HNRNPUL1: variants seen among roughly 807,000 people sequenced by gnomAD.
HNRNPUL1 encodes the protein heterogeneous nuclear ribonucleoprotein U like 1.
Under a neutral mutation model 108.5 loss-of-function variants are expected in HNRNPUL1, and 14 were observed. The observed-to-expected ratio is 0.13, with a 90% CI of 0.09 to 0.20. The LOEUF is 0.20. HNRNPUL1 is among the 10% of genes least tolerant of loss of function. The pLI is 1.00. For synonymous variants in HNRNPUL1, 422 were observed against 445.2 expected (o/e 0.95, Z 0.66); for missense variants, 804 against 1,168.3 (o/e 0.69, Z 4.55).
At chr19:41,293,072 C>T (rs921724105) in intron 8 of HNRNPUL1, among the ~76,000 whole-genome samples, 3 of 152,120 alleles carry the variant, frequency 2.0e-5, no homozygotes, top group African/African-American at 7.2e-5. Flanking sequence ...GTAAGTTCCA[C>T]CTCTCACCCA....
intron 11 of HNRNPUL1, chr19:41,302,339 C>G (rs1185011611): frequency 2.7e-6 from 1 of 370,476 alleles, no homozygotes; most frequent in Non-Finnish European, 5.2e-6. Context: ...CTGCCTCAGC[C>G]TCCCGAGTAG....
At chr19:41,297,750 G>C (rs917929446) in intron 10 of HNRNPUL1, among the ~76,000 whole-genome samples, 4 of 152,194 alleles carry the variant, frequency 2.6e-5, no homozygotes, top group African/African-American at 9.7e-5. Flanking sequence ...TAGAATCAGG[G>C]CTGGATGGGT....
Position 41,264,447 on chromosome 19 carries a change from G to A in HNRNPUL1, c.-57G>A. On this transcript the variant is annotated 5_prime_UTR_variant, in exon 1 of 15. Coordinates refer to ENST00000392006, the MANE Select transcript of HNRNPUL1 (RefSeq NM_007040.6). ...GCCTCCTGACAGGAAAGGTTTAAGG[G>A]GGACAGAGCCCTGGGAGGCCGGGCC... 2 of 1,312,896 alleles carry A rather than the reference G, an allele frequency of 1.5e-6. No homozygotes were observed. The highest frequency in any genetic ancestry group is 2.0e-6 in the Non-Finnish European group (2 of 1,025,262). 81.3% of individuals were successfully genotyped at this position (1,312,896 alleles called of 1,614,324 possible).
At chr19:41,299,313 G>A (rs995001977) in intron 10 of HNRNPUL1, among the ~76,000 whole-genome samples, 1 of 152,124 alleles carries the variant, frequency 6.6e-6, no homozygotes, top group Admixed American at 6.5e-5. Flanking sequence ...CGTGTTTCAG[G>A]GCCAGAGGAT....
intron 1 of HNRNPUL1, 200 bp from the exon 2 acceptor site, chr19:41,268,022 AC>A (rs1172826490): frequency 2.1e-6 from 1 of 471,040 alleles, no homozygotes; most frequent in African/African-American, 2.0e-5. Flanking sequence ...GTCTCACTAA[AC>A]TGAAGGCTTC....
rs144502015 is a variant in HNRNPUL1 at position 41,272,205 on chromosome 19, G to A, written c.542G>A (p.Arg181Gln). Residue 181 changes from arginine (R) to glutamine (Q), a missense_variant, in exon 3 of 15, where the codon CGG becomes CAG. Physicochemically the swap from Arg to Gln is conservative, Grantham distance 43. Around this residue, in one of 4 missense-constraint regions of HNRNPUL1, gnomAD observed 256 missense variants for 261.6 expected, o/e 0.98. Transcript: ENST00000392006. Reference sequence around the variant, plus strand: ...AGGCCTTATGAAGAAAACCGGGGACGGGGGTACTTTGAGCACCGAGAGGAT... The same window carrying A: ...AGGCCTTATGAAGAAAACCGGGGACAGGGGTACTTTGAGCACCGAGAGGAT... ...RKRPYEENRG[R>Q]GYFEHREDRR... 38 of 1,613,928 alleles carry A rather than the reference G, an allele frequency of 2.4e-5. No individual in the cohort carries two copies. In the African/African-American group the frequency reaches 2.8e-4, roughly 12 times the overall value.
Position 41,294,789 on chromosome 19 carries a change from T to G in HNRNPUL1, c.1518+103T>G. 2 of 1,375,694 alleles carry G rather than the reference T, an allele frequency of 1.5e-6. No homozygotes were observed. The highest frequency in any genetic ancestry group is 2.0e-6 in the Non-Finnish European group (2 of 980,770). The allele number at this position is 1,375,694 out of a possible 1,614,324, so 85.2% of individuals were successfully genotyped here. ...TTTCTTTTTTCCCCCGTAATGATGATGGACTGCTGTGCTAGTCGGGGGGGT... is the reference window on the plus strand; with the variant it reads ...TTTCTTTTTTCCCCCGTAATGATGAGGGACTGCTGTGCTAGTCGGGGGGGT... On this transcript the variant is annotated intron_variant, in intron 10 of 14. Transcript: ENST00000392006. The surrounding 1 kb of genome is among the most constrained non-coding windows in gnomAD (Gnocchi z 4.3).
At chr19:41,305,541 A>G in intron 13 of HNRNPUL1, 135 bp from the exon 14 acceptor site, 1 of 1,092,514 alleles carries the variant, frequency 9.2e-7, no homozygotes, top group Non-Finnish European at 1.4e-6. Context: ...TCAGCCCACA[A>G]ACAATGTCCA....
At chr19:41,282,076 G>A (rs1020344262) in intron 7 of HNRNPUL1, among the ~76,000 whole-genome samples, 5 of 152,230 alleles carry the variant, frequency 3.3e-5, no homozygotes, top group South Asian at 2.1e-4. Context: ...AAAATGTGCC[G>A]TAAGGCCCCA....
At chr19:41,301,744 G>A in intron 11 of HNRNPUL1, 40 bp downstream of exon 11, 3 of 1,538,196 alleles carry the variant, frequency 2.0e-6, no homozygotes, top group South Asian at 1.2e-5. Context: ...TCAATGCAGG[G>A]TCCTGGAGAG....
At position 41,292,873 on chromosome 19, in the gene HNRNPUL1, C is replaced by G. The variant is rs2036670887; in HGVS notation, c.1266+362C>G. ...CTTTTTTTTTCTTTAGAGACAGGGT[C>G]TCGCTCTGTCACCCAGGCTGGAGTG... On this transcript the variant is annotated intron_variant, in intron 8 of 14. Coordinates refer to ENST00000392006, the MANE Select transcript of HNRNPUL1 (RefSeq NM_007040.6). The surrounding 1 kb of genome is among the most constrained non-coding windows in gnomAD (Gnocchi z 4.1). 6.6e-6 allele frequency among the ~76,000 whole-genome samples: 1 copy of G among 152,008 alleles called. No individual in the cohort carries two copies. Among genetic ancestry groups the G allele is most frequent in the South Asian group, 2.1e-4 (1 of 4,810 alleles).
chr19:41,265,436 AT>A, intron 1 of HNRNPUL1: 2 of 1,405,552 alleles, frequency 1.4e-6, no homozygotes, highest in Non-Finnish European at 9.4e-7. Flanking sequence ...GCTAGTGAGC[AT>A]TTAGGGGCTG....
intron 3 of HNRNPUL1, among the ~76,000 whole-genome samples, chr19:41,272,685 G>A (rs1007401030): frequency 6.6e-5 from 10 of 152,218 alleles, no homozygotes; most frequent in Non-Finnish European, 1.3e-4. Context: ...CAGATGGACA[G>A]TGGGTTTTGC....
intron 1 of HNRNPUL1, chr19:41,265,153 A>G: frequency 2.1e-6 from 3 of 1,413,698 alleles, no homozygotes; most frequent in Non-Finnish European, 1.8e-6. Context: ...GGGTCTCGAA[A>G]ATGGGGATCC....
chr19:41,284,966 C>T (rs577305863), intron 7 of HNRNPUL1, among the ~76,000 whole-genome samples: 155 of 147,556 alleles, frequency 1.1e-3, no homozygotes, highest in Admixed American at 3.3e-3. Flanking sequence ...ACTGTACTCC[C>T]GCCTGGGTAA....
At position 41,304,225 on chromosome 19, in the gene HNRNPUL1, C is replaced by T. The variant is rs759428939; in HGVS notation, c.2226C>T (p.Thr742=). Residue 742 remains threonine (T), a synonymous_variant, in exon 13 of 15, where the codon ACC becomes ACT. Transcript: ENST00000392006. Reference sequence around the variant, plus strand: ...ACATCCCTGGCTCAAGCGCCAATACCAGCACCCCCACCGTCAGCAGCTACA... The same window carrying T: ...ACATCCCTGGCTCAAGCGCCAATACTAGCACCCCCACCGTCAGCAGCTACA... ...NSNIPGSSAN[T]STPTVSSYSP... The T allele has an allele frequency of 6.2e-7, 1 of 1,612,860 alleles. No individual in the cohort carries two copies. Among genetic ancestry groups the T allele is most frequent in the East Asian group, 2.2e-5 (1 of 44,854 alleles).
At chr19:41,275,273 G>T (rs886202873) in intron 4 of HNRNPUL1, among the ~76,000 whole-genome samples, 1 of 152,092 alleles carries the variant, frequency 6.6e-6, no homozygotes, top group African/African-American at 2.4e-5. Context: ...TAACCTTTTT[G>T]TATTCTAAAA....
intron 13 of HNRNPUL1, among the ~76,000 whole-genome samples, chr19:41,304,742 C>T (rs1442547425): frequency 1.3e-5 from 2 of 152,194 alleles, no homozygotes; most frequent in Non-Finnish European, 2.9e-5. Flanking sequence ...AGTTCCCATT[C>T]TTGGAAAGCC....
chr19:41,294,431 G>A lies in HNRNPUL1; in HGVS notation c.1360G>A (p.Gly454Ser). 1 of 1,614,094 alleles carries A rather than the reference G, an allele frequency of 6.2e-7. No individual in the cohort carries two copies. Among genetic ancestry groups the A allele is most frequent in the Non-Finnish European group, 8.5e-7 (1 of 1,180,024 alleles). The change falls in exon 9 of 15, where the codon GGT becomes AGT. Residue 454 changes from glycine to serine, a missense_variant. Physicochemically the swap from Gly to Ser is moderately conservative, Grantham distance 56. Coordinates refer to ENST00000392006, the MANE Select transcript of HNRNPUL1 (RefSeq NM_007040.6). The surrounding 1 kb of genome is among the most constrained non-coding windows in gnomAD (Gnocchi z 4.3). Reference sequence around the variant, plus strand: ...CCCTTCCAAGAAGTACAACATCCTGGGTACCAATGCCATCATGGATAAGAT... The same window carrying A: ...CCCTTCCAAGAAGTACAACATCCTGAGTACCAATGCCATCATGGATAAGAT... ...SNPSKKYNIL[G>S]TNAIMDKMRV... is the part of the protein sequence containing the mutation.
Sources: allele counts gnomAD v4.1 joint callset (sites outside exome capture counted in the v4.1 genomes callset), GRCh38; gene constraint gnomAD v4.1.1; regional missense constraint gnomAD v4.1.1; non-coding constraint Gnocchi (gnomAD v3.1); transcripts MANE v1.5; gene names NCBI Gene and HGNC (gene_info 2026-07-23, HGNC 2026-07-21).